Variants in DISC1 observed in about 807,000 individuals in gnomAD.
The protein encoded by DISC1 is DISC1 scaffold protein, also known as disrupted in schizophrenia 1 protein.
A neutral mutation model predicts 84.5 loss-of-function variants in DISC1; 57 were observed. The observed-to-expected ratio is 0.67, with a 90% CI of 0.55 to 0.84. The LOEUF (loss-of-function observed/expected upper bound fraction) is 0.84, where lower values mean the gene tolerates loss of function less well. Among genes scored for constraint, DISC1 ranks in the 40% least tolerant of loss-of-function variants. The probability of loss-of-function intolerance (pLI) is 0.00; values close to 1 mark genes in which losing one functional copy is unlikely to be tolerated. For synonymous variants in DISC1, 411 were observed against 415.2 expected, an observed-to-expected ratio of 0.99 and a Z score of 0.12; for missense variants, 1,000 against 1,057.8, an observed-to-expected ratio of 0.95 and a Z score of 0.76.
At chr1:231,666,654 A>C (rs775169079) in intron 1 of DISC1, among the ~76,000 whole-genome samples, 9 of 152,090 alleles carry the variant, frequency 5.9e-5, no homozygotes, top group Non-Finnish European at 1.2e-4. Context: ...CCCTCCCTAC[A>C]TACACTTCAG....
chr1:231,774,535 T>A, intron 6 of DISC1: 1 of 357,432 alleles, frequency 2.8e-6, no homozygotes, highest in Non-Finnish European at 5.5e-6. Context: ...TTGGCATCAG[T>A]CTAATTTACT....
intron 4 of DISC1, among the ~76,000 whole-genome samples, chr1:231,751,541 G>A (rs911611032): frequency 3.9e-5 from 6 of 152,140 alleles, no homozygotes; most frequent in Non-Finnish European, 8.8e-5. Context: ...ACATCATAAT[G>A]TTGTGCAATC....
chr1:231,811,313 C>T (rs1011424308), intron 8 of DISC1, among the ~76,000 whole-genome samples: 1 of 152,176 alleles, frequency 6.6e-6, no homozygotes, highest in African/African-American at 2.4e-5. Flanking sequence ...TTCTTGGCCG[C>T]CTCCATTGCC....
At chr1:231,848,722 G>A (rs2083640204) in intron 9 of DISC1, among the ~76,000 whole-genome samples, 2 of 152,172 alleles carry the variant, frequency 1.3e-5, no homozygotes, top group South Asian at 2.1e-4. Flanking sequence ...CTTAACCTCA[G>A]TGATCTTCAG....
At chr1:231,790,664 G>A (rs905974703) in intron 6 of DISC1, among the ~76,000 whole-genome samples, 2 of 151,904 alleles carry the variant, frequency 1.3e-5, no homozygotes, top group African/African-American at 2.4e-5. Flanking sequence ...GACTACAGGC[G>A]CCTGCCACCA....
At chr1:231,871,935 T>C (rs2085493915) in intron 9 of DISC1, among the ~76,000 whole-genome samples, 1 of 152,200 alleles carries the variant, frequency 6.6e-6, no homozygotes, top group Non-Finnish European at 1.5e-5. Flanking sequence ...CTGTGTGCGC[T>C]AGATTCACCT....
chr1:232,029,059 C>A lies in DISC1; in HGVS notation c.2425+2507C>A, dbSNP rs185613025. Among the ~76,000 whole-genome samples, 757 of 152,252 alleles carry A rather than the reference C, an allele frequency of 5.0e-3. 5 individuals carry two copies. The highest frequency in any genetic ancestry group is 7.9e-3 in the Non-Finnish European group (536 of 68,024). ...CAGCCATTGCCTATAAGTAAATGGACAGGTCTGTTCCATGGAACACACAAT... is the reference window on the plus strand; with the variant it reads ...CAGCCATTGCCTATAAGTAAATGGAAAGGTCTGTTCCATGGAACACACAAT... On this transcript the variant is annotated intron_variant, in intron 12 of 12. Transcript: ENST00000439617.
intron 9 of DISC1, among the ~76,000 whole-genome samples, chr1:231,919,874 C>T (rs1352206089): frequency 6.6e-6 from 1 of 152,204 alleles, no homozygotes; most frequent in South Asian, 2.1e-4. Context: ...TTCCTGTTGA[C>T]ATCTGTCATT....
At chr1:231,803,348 C>T (rs1162704386) in intron 8 of DISC1, among the ~76,000 whole-genome samples, 1 of 152,162 alleles carries the variant, frequency 6.6e-6, no homozygotes, top group Non-Finnish European at 1.5e-5. Flanking sequence ...ATAAGTGGCT[C>T]CTCAAACTTC....
intron 1 of DISC1, among the ~76,000 whole-genome samples, chr1:231,649,685 G>C (rs1300267323): frequency 6.6e-6 from 1 of 152,072 alleles, no homozygotes; most frequent in African/African-American, 2.4e-5. Context: ...TTATTGTGTG[G>C]GAGTCTAAGT....
chr1:231,666,830 G>A (rs976142980), intron 1 of DISC1, among the ~76,000 whole-genome samples: 1 of 152,234 alleles, frequency 6.6e-6, no homozygotes, highest in African/African-American at 2.4e-5. Flanking sequence ...GAGAGGAGAG[G>A]TCAGGACTGG....
intron 9 of DISC1, among the ~76,000 whole-genome samples, chr1:231,915,923 C>A (rs1012142672): frequency 1.3e-5 from 2 of 152,160 alleles, no homozygotes; most frequent in Admixed American, 6.5e-5. Context: ...ATAACAAGGT[C>A]GTGGATCTCA....
At chr1:231,782,488 T>C (rs2077500928) in intron 6 of DISC1, among the ~76,000 whole-genome samples, 3 of 152,190 alleles carry the variant, frequency 2.0e-5, no homozygotes. Context: ...ATGCTTATTC[T>C]TAGCCAGACG....
intron 1 of DISC1, among the ~76,000 whole-genome samples, chr1:231,651,636 C>T (rs1005301814): frequency 3.3e-5 from 5 of 152,222 alleles, no homozygotes; most frequent in African/African-American, 9.6e-5. Context: ...CAGATAGGGA[C>T]GTTTAAGTCT....
chr1:231,843,108 G>C (rs948653872), intron 9 of DISC1, among the ~76,000 whole-genome samples: 2 of 152,068 alleles, frequency 1.3e-5, no homozygotes, highest in Non-Finnish European at 2.9e-5. Flanking sequence ...AGTGTATGAT[G>C]GGGGGGTATG....
intron 10 of DISC1, among the ~76,000 whole-genome samples, chr1:231,969,189 T>TG (rs1176769240): frequency 5.5e-5 from 8 of 145,694 alleles, no homozygotes; most frequent in Non-Finnish European, 1.1e-4. Flanking sequence ...CTCAGCGGTT[T>TG]TTTTTTTTTT....
At chr1:231,951,863 C>T (rs994162761) in intron 9 of DISC1, among the ~76,000 whole-genome samples, 1 of 151,260 alleles carries the variant, frequency 6.6e-6, no homozygotes, top group African/African-American at 2.4e-5. Flanking sequence ...GCCAGGAGTT[C>T]GAGATCAGCC....
At chr1:231,880,837 A>C (rs1215049368) in intron 9 of DISC1, among the ~76,000 whole-genome samples, 2 of 152,146 alleles carry the variant, frequency 1.3e-5, no homozygotes, top group African/African-American at 4.8e-5. Context: ...AGACCAGCTG[A>C]GTCAGCCATT....
intron 10 of DISC1, among the ~76,000 whole-genome samples, chr1:231,973,021 A>G (rs1046308314): frequency 1.3e-5 from 2 of 150,822 alleles, no homozygotes; most frequent in African/African-American, 4.9e-5. Flanking sequence ...TTGTAAGACT[A>G]GTATACTAGT....
Sources: gnomAD v4.1 joint callset for allele counts (sites outside exome capture counted in the v4.1 genomes callset) on GRCh38, gnomAD v4.1.1 for gene constraint, MANE v1.5 for transcripts, NCBI Gene and HGNC (gene_info 2026-07-23, HGNC 2026-07-21) for gene names.